LDB2: variants seen among roughly 807,000 people sequenced by gnomAD.
LDB2 encodes LIM domain-binding protein 2.
In LDB2, 12 loss-of-function variants were observed where a neutral mutation model predicts 44.3. That is an observed-to-expected ratio of 0.27 (90% confidence interval 0.17 to 0.44). The LOEUF (loss-of-function observed/expected upper bound fraction) is 0.44. Among genes scored for constraint, LDB2 ranks in the 20% least tolerant of loss-of-function variants. The pLI is 1.00. For synonymous variants in LDB2, 164 were observed against 174.8 expected (o/e 0.94, Z 0.49); for missense variants, 344 against 473.5 (o/e 0.73, Z 2.54).
chr4:16,538,477 AG>A (rs1560404317), intron 5 of LDB2, among the ~76,000 whole-genome samples: 1 of 152,224 alleles, frequency 6.6e-6, no homozygotes, highest in African/African-American at 2.4e-5. Context: ...AGCAGAAGCT[AG>A]GAAGTGTTCT....
chr4:16,752,323 G>C (rs1051382334), intron 2 of LDB2: 2 of 392,314 alleles, frequency 5.1e-6, no homozygotes, highest in South Asian at 2.0e-5. Flanking sequence ...CTTGCTCTCT[G>C]AGCAAAATGG....
intron 4 of LDB2, 150 bp downstream of exon 4, chr4:16,588,560 T>G (rs1161913418): frequency 1.7e-5 from 13 of 749,152 alleles, no homozygotes; most frequent in Admixed American, 3.1e-5. Flanking sequence ...TTAAAACCGT[T>G]GAGAACAAAA....
intron 2 of LDB2, among the ~76,000 whole-genome samples, chr4:16,596,408 G>A (rs920362740): frequency 1.3e-5 from 2 of 152,016 alleles, no homozygotes; most frequent in Non-Finnish European, 2.9e-5. Context: ...GCAGGACTGA[G>A]ATCCGAAAAT....
rs573824832 is a variant in LDB2, at chr4:16,591,332, C to T, written c.409-2500G>A. Among the ~76,000 whole-genome samples the T allele has an allele frequency of 3.3e-5, 5 of 152,256 alleles. No individual in the cohort carries two copies. In the South Asian group the frequency reaches 1.0e-3, roughly 32 times the overall value. On this transcript the variant is annotated intron_variant, in intron 3 of 7. Coordinates refer to ENST00000304523, the MANE Select transcript of LDB2 (RefSeq NM_001290.5). ...CAACTTAAATTGTGTCCTTTGTTCA[C>T]GGTAACAGAGCGAGCTAGTTGGGGA...
chr4:16,649,620 C>T (rs1387675727), intron 2 of LDB2, among the ~76,000 whole-genome samples: 1 of 152,188 alleles, frequency 6.6e-6, no homozygotes, highest in African/African-American at 2.4e-5. Flanking sequence ...CTCTACCACT[C>T]ACTAGCCCTT....
chr4:16,768,261 G>A (rs1769810491), intron 1 of LDB2, among the ~76,000 whole-genome samples: 1 of 152,042 alleles, frequency 6.6e-6, no homozygotes, highest in African/African-American at 2.4e-5. Flanking sequence ...TCTGAAAGAT[G>A]GGAGATGGGA....
At chr4:16,594,183 A>C (rs1578079483) in intron 3 of LDB2, among the ~76,000 whole-genome samples, 2 of 152,066 alleles carry the variant, frequency 1.3e-5, no homozygotes, top group South Asian at 4.1e-4. Flanking sequence ...GAAAAAAAAA[A>C]CCAATAATGA....
At position 16,776,662 on chromosome 4, in the gene LDB2, C is replaced by A. The variant is rs150090246; in HGVS notation, c.133-17402G>T. 3.9e-5 allele frequency among the ~76,000 whole-genome samples: 6 copies of A among 152,286 alleles called. No homozygotes were observed. The East Asian group carries it at 9.6e-4, about 24-fold the overall frequency. ...AGACACAAATCCACGTCCTTGAAGA[C>A]CCTGTATACTAGCGGATGACAAATA... On this transcript the variant is annotated intron_variant, in intron 1 of 7. Transcript: ENST00000304523.
At chr4:16,676,071 A>G (rs1242735628) in intron 2 of LDB2, among the ~76,000 whole-genome samples, 1 of 152,204 alleles carries the variant, frequency 6.6e-6, no homozygotes, top group Non-Finnish European at 1.5e-5. Flanking sequence ...CAGAGAAAAA[A>G]TGTTTTGTAA....
chr4:16,679,991 A>T (rs1025644790), intron 2 of LDB2, among the ~76,000 whole-genome samples: 1 of 152,276 alleles, frequency 6.6e-6, no homozygotes, highest in East Asian at 1.9e-4. Flanking sequence ...AATCTTTATA[A>T]GCCCCCCAAA....
At chr4:16,542,126 G>A (rs548110679) in intron 5 of LDB2, among the ~76,000 whole-genome samples, 1 of 150,556 alleles carries the variant, frequency 6.6e-6, no homozygotes, top group East Asian at 2.0e-4. Context: ...GAGCAGGAGG[G>A]CATAAGAAGG....
At chr4:16,842,763 C>A (rs779412500) in intron 1 of LDB2, among the ~76,000 whole-genome samples, 54 of 152,136 alleles carry the variant, frequency 3.5e-4, no homozygotes, top group Non-Finnish European at 6.6e-4. Flanking sequence ...ATTTTTCTCT[C>A]TAAAGGAGCG....
chr4:16,712,457 C>A (rs1756112039), intron 2 of LDB2, among the ~76,000 whole-genome samples: 1 of 152,036 alleles, frequency 6.6e-6, no homozygotes, highest in African/African-American at 2.4e-5. Flanking sequence ...GAGGCTGAGG[C>A]AGGAGAATAG....
intron 1 of LDB2, among the ~76,000 whole-genome samples, chr4:16,856,383 T>C: frequency 6.6e-6 from 1 of 152,154 alleles, no homozygotes; most frequent in East Asian, 1.9e-4. Flanking sequence ...GAAGTGGATA[T>C]TCTCATACTC....
chr4:16,756,090 T>A (rs923524566), intron 2 of LDB2, among the ~76,000 whole-genome samples: 2 of 152,158 alleles, frequency 1.3e-5, no homozygotes, highest in Admixed American at 6.5e-5. Context: ...GAACAATATA[T>A]CACCCAGAAC....
At chr4:16,592,912 G>A (rs937093119) in intron 3 of LDB2, among the ~76,000 whole-genome samples, 3 of 152,016 alleles carry the variant, frequency 2.0e-5, no homozygotes, top group Non-Finnish European at 4.4e-5. Context: ...CTTTAATTCT[G>A]AAAACCTTGA....
intron 5 of LDB2, among the ~76,000 whole-genome samples, chr4:16,534,147 C>A (rs562718219): frequency 6.6e-6 from 1 of 152,256 alleles, no homozygotes; most frequent in Non-Finnish European, 1.5e-5. Context: ...CACAAAATAA[C>A]AACAAATATT....
intron 2 of LDB2, among the ~76,000 whole-genome samples, chr4:16,677,086 G>C (rs1027706016): frequency 6.6e-6 from 1 of 152,208 alleles, no homozygotes; most frequent in Non-Finnish European, 1.5e-5. Flanking sequence ...AGTTAAGTGG[G>C]GAGAGAATAG....
chr4:16,683,843 C>T (rs1748545289), intron 2 of LDB2, among the ~76,000 whole-genome samples: 1 of 152,160 alleles, frequency 6.6e-6, no homozygotes, highest in Non-Finnish European at 1.5e-5. Context: ...ATGCAAAGAC[C>T]CAGCTCTTCC....
Sources: allele counts gnomAD v4.1 joint callset (sites outside exome capture counted in the v4.1 genomes callset), GRCh38; gene constraint gnomAD v4.1.1; transcripts MANE v1.5; gene names NCBI Gene and HGNC (gene_info 2026-07-23, HGNC 2026-07-21).